CCDC148: variants seen among roughly 807,000 people sequenced by gnomAD.
CCDC148 encodes coiled-coil domain containing 148.
In CCDC148, 89 loss-of-function variants were observed where a neutral mutation model predicts 85.7. The observed-to-expected ratio is 1.04, with a 90% CI of 0.87 to 1.24. The LOEUF (loss-of-function observed/expected upper bound fraction) is 1.24, where lower values mean the gene tolerates loss of function less well. Ranked by LOEUF, CCDC148 falls within the 50% of genes most tolerant of loss-of-function variation. The pLI is 0.00. For synonymous variants in CCDC148, 230 were observed against 213.9 expected, an observed-to-expected ratio of 1.08 and a Z score of -0.66; for missense variants, 692 against 671.7, an observed-to-expected ratio of 1.03 and a Z score of -0.33.
intron 3 of CCDC148, among the ~76,000 whole-genome samples, chr2:158,342,837 C>A (rs147751227): frequency 6.6e-6 from 1 of 152,000 alleles, no homozygotes; most frequent in Non-Finnish European, 1.5e-5. Flanking sequence ...AGGGAGAAAG[C>A]GCCTCTGGAA....
intron 7 of CCDC148, among the ~76,000 whole-genome samples, chr2:158,333,990 A>G (rs758894333): frequency 6.6e-6 from 1 of 152,166 alleles, no homozygotes; most frequent in Non-Finnish European, 1.5e-5. Context: ...TTTGACTGGG[A>G]TTGCATTGAA....
chr2:158,203,460 C>T (rs1686072978), intron 11 of CCDC148, among the ~76,000 whole-genome samples: 1 of 152,122 alleles, frequency 6.6e-6, no homozygotes, highest in African/African-American at 2.4e-5. Flanking sequence ...CTCCTAAACT[C>T]TTCTCCACTA....
At chr2:158,424,363 T>C (rs1472649170) in intron 1 of CCDC148, among the ~76,000 whole-genome samples, 5 of 152,146 alleles carry the variant, frequency 3.3e-5, no homozygotes, top group African/African-American at 7.2e-5. Context: ...GTGGCACATA[T>C]ACACCATGGA....
intron 1 of CCDC148, among the ~76,000 whole-genome samples, chr2:158,449,679 C>T (rs1688315643): frequency 6.6e-6 from 1 of 152,036 alleles, no homozygotes; most frequent in Admixed American, 6.5e-5. Context: ...GAACTCCTGA[C>T]CTGAGGTGAT....
In CCDC148 at chr2:158,176,894, T is replaced by C. The variant is rs557200425; in HGVS notation, c.1489-233A>G. Among the ~76,000 whole-genome samples, 7 of 152,254 alleles carry C rather than the reference T, an allele frequency of 4.6e-5. No homozygotes were observed. In the South Asian group the frequency reaches 1.4e-3, roughly 32 times the overall value. On this transcript the variant is annotated intron_variant, in intron 12 of 13. Transcript: ENST00000283233. ...ATTAAAATGCCTTGGCATATAGTTA[T>C]TTGCTAATGATTGAATAATTATAAT...
At chr2:158,437,789 A>G (rs1024282185) in intron 1 of CCDC148, among the ~76,000 whole-genome samples, 7 of 152,248 alleles carry the variant, frequency 4.6e-5, no homozygotes, top group Admixed American at 3.9e-4. Context: ...GTCTCAGGAT[A>G]CAAAATCAAT....
At chr2:158,448,348 T>A (rs899311156) in intron 1 of CCDC148, among the ~76,000 whole-genome samples, 1 of 152,030 alleles carries the variant, frequency 6.6e-6, no homozygotes, top group Non-Finnish European at 1.5e-5. Context: ...CCATTTTATT[T>A]TTTTTTTATT....
intron 9 of CCDC148, among the ~76,000 whole-genome samples, chr2:158,291,613 G>A (rs1486915204): frequency 6.6e-6 from 1 of 152,108 alleles, no homozygotes; most frequent in Non-Finnish European, 1.5e-5. Context: ...TTCCTCGTTA[G>A]GCTATGTGCT....
At chr2:158,455,586 T>C (rs140284316) in intron 1 of CCDC148, among the ~76,000 whole-genome samples, 1 of 152,156 alleles carries the variant, frequency 6.6e-6, no homozygotes, top group African/African-American at 2.4e-5. Context: ...TCCAAAATCC[T>C]ATCAGCTTTT....
intron 11 of CCDC148, among the ~76,000 whole-genome samples, chr2:158,183,107 G>A (rs1043529148): frequency 2.6e-5 from 4 of 152,126 alleles, no homozygotes; most frequent in African/African-American, 9.7e-5. Context: ...AAGGTTGAAA[G>A]TGCTGCAAAA....
chr2:158,265,908 T>C, intron 9 of CCDC148, among the ~76,000 whole-genome samples: 1 of 152,102 alleles, frequency 6.6e-6, no homozygotes, highest in East Asian at 1.9e-4. Flanking sequence ...CTTCTTTTTC[T>C]CCATTACCCT....
At chr2:158,256,360 T>C (rs1437816285) in intron 9 of CCDC148, among the ~76,000 whole-genome samples, 1 of 151,898 alleles carries the variant, frequency 6.6e-6, no homozygotes, top group East Asian at 1.9e-4. Flanking sequence ...ATTTAAGTTC[T>C]ATTATTCTGA....
chr2:158,296,583 A>G (rs1691199417), intron 9 of CCDC148, among the ~76,000 whole-genome samples: 1 of 152,234 alleles, frequency 6.6e-6, no homozygotes, highest in Non-Finnish European at 1.5e-5. Context: ...TGTAAAATGC[A>G]AACATCTATA....
chr2:158,357,290 CAA>C (rs1003388991), intron 2 of CCDC148, among the ~76,000 whole-genome samples: 1 of 139,902 alleles, frequency 7.1e-6, no homozygotes, highest in Non-Finnish European at 1.6e-5. Context: ...TAAAAAAAAA[CAA>C]AAAAAAAGGT....
intron 1 of CCDC148, among the ~76,000 whole-genome samples, chr2:158,382,295 C>A (rs1684904016): frequency 6.6e-6 from 1 of 152,006 alleles, no homozygotes; most frequent in Admixed American, 6.6e-5. Flanking sequence ...AGATGTCTAC[C>A]AATAGTAGAA....
chr2:158,264,676 T>G (rs1689379864), intron 9 of CCDC148, among the ~76,000 whole-genome samples: 1 of 151,806 alleles, frequency 6.6e-6, no homozygotes, highest in African/African-American at 2.4e-5. Context: ...ACCCAGATTA[T>G]CCCCCAAAAT....
intron 2 of CCDC148, among the ~76,000 whole-genome samples, chr2:158,347,376 C>T (rs569964884): frequency 2.6e-5 from 4 of 151,762 alleles, no homozygotes; most frequent in Non-Finnish European, 5.9e-5. Flanking sequence ...TAGACAATTC[C>T]AATATTTTGC....
chr2:158,317,837 G>A (rs1476842850), intron 7 of CCDC148, among the ~76,000 whole-genome samples: 3 of 152,128 alleles, frequency 2.0e-5, no homozygotes, highest in Non-Finnish European at 2.9e-5. Context: ...AGCTTTCCAG[G>A]CAAAATGGTA....
At chr2:158,399,351 A>T (rs1417864964) in intron 1 of CCDC148, among the ~76,000 whole-genome samples, 1 of 152,170 alleles carries the variant, frequency 6.6e-6, no homozygotes, top group Non-Finnish European at 1.5e-5. Flanking sequence ...AATATACCTG[A>T]TGAATATCAA....
Sources: allele counts gnomAD v4.1 joint callset (sites outside exome capture counted in the v4.1 genomes callset), GRCh38; gene constraint gnomAD v4.1.1; transcripts MANE v1.5; gene names NCBI Gene and HGNC (gene_info 2026-07-23, HGNC 2026-07-21).